The following PARD6G variants were observed in gnomAD, a reference collection of about 807,000 sequenced individuals.
The protein encoded by PARD6G is partitioning defective 6 homolog gamma.
In PARD6G, 7 loss-of-function variants were observed where a neutral mutation model predicts 10.7. That is an observed-to-expected ratio of 0.66 (90% CI 0.37 to 1.23). The LOEUF (loss-of-function observed/expected upper bound fraction) is 1.23, where lower values mean the gene tolerates loss of function less well. PARD6G is among the 50% of genes most tolerant of loss of function. PARD6G has a pLI of 0.02. For missense variants in PARD6G, 548 were observed against 571.8 expected, an observed-to-expected ratio of 0.96 and a Z score of 0.42; for synonymous variants, 287 against 269.4, an observed-to-expected ratio of 1.07 and a Z score of -0.64.
chr18:80,193,032 A>G (rs1465928468), intron 2 of PARD6G, among the ~76,000 whole-genome samples: 1 of 152,148 alleles, frequency 6.6e-6, no homozygotes, highest in Admixed American at 6.5e-5. Flanking sequence ...AAAGGCCCCA[A>G]GCAGATGGTG....
rs563055152 is a variant in PARD6G, at chr18:80,228,580, A to G, written c.72+18697T>C. Among the ~76,000 whole-genome samples the G allele has an allele frequency of 2.0e-5, 3 of 149,354 alleles. No individual in the cohort carries two copies. In the South Asian group the frequency reaches 6.5e-4, roughly 32 times the overall value. ...ACAGGGTCTTGGCCCCCAGGCCCACAGACTGCATCTCCTAAGATGCAGCCC... is the reference window on the plus strand; with the variant it reads ...ACAGGGTCTTGGCCCCCAGGCCCACGGACTGCATCTCCTAAGATGCAGCCC... On this transcript the variant is annotated intron_variant, in intron 1 of 2. Transcript: ENST00000353265. The surrounding 1 kb of genome is among the most constrained non-coding windows in gnomAD (Gnocchi z 4.6).
chr18:80,209,056 C>T (rs1160543679), intron 1 of PARD6G, among the ~76,000 whole-genome samples: 2 of 151,926 alleles, frequency 1.3e-5, no homozygotes, highest in East Asian at 1.9e-4. Flanking sequence ...GCCAAGATTG[C>T]ACCACTGCAC....
chr18:80,176,290 G>A (rs2052807441), intron 2 of PARD6G, among the ~76,000 whole-genome samples: 1 of 152,174 alleles, frequency 6.6e-6, no homozygotes. Context: ...TTTTCCTTGT[G>A]TCTCTACCTG....
intron 1 of PARD6G, among the ~76,000 whole-genome samples, chr18:80,225,438 T>G (rs934477394): frequency 1.3e-5 from 2 of 152,154 alleles, no homozygotes; most frequent in African/African-American, 4.8e-5. Context: ...TTTTAATCTT[T>G]AAGCCACTTG....
In PARD6G at chr18:80,161,050, A is replaced by G. The variant is rs2052697732; in HGVS notation, c.296-444T>C. 6.6e-6 allele frequency among the ~76,000 whole-genome samples: 1 copy of G among 152,170 alleles called. No individual in the cohort carries two copies. Among genetic ancestry groups the G allele is most frequent in the South Asian group, 2.1e-4 (1 of 4,824 alleles). On this transcript the variant is annotated intron_variant, in intron 2 of 2. Transcript: ENST00000353265. This position sits in a 1 kb window ranked among gnomAD's most constrained non-coding sequence, Gnocchi z 4.6. ...TTCTAAGGTTAATTACAACTAAGAG[A>G]GACCTTTCCTGCTTTCTTCTTTTCT...
chr18:80,165,805 G>T (rs545358469), intron 2 of PARD6G, among the ~76,000 whole-genome samples: 4 of 152,200 alleles, frequency 2.6e-5, no homozygotes, highest in African/African-American at 7.2e-5. Flanking sequence ...ATTTCCACTG[G>T]GTGCGCTGGC....
At chr18:80,225,343 T>C (rs759318206) in intron 1 of PARD6G, among the ~76,000 whole-genome samples, 1 of 152,240 alleles carries the variant, frequency 6.6e-6, no homozygotes, top group Non-Finnish European at 1.5e-5. Flanking sequence ...GGGAAGCTCC[T>C]GGCCATTTCC....
At chr18:80,222,536 G>C (rs1342328965) in intron 1 of PARD6G, among the ~76,000 whole-genome samples, 1 of 151,742 alleles carries the variant, frequency 6.6e-6, no homozygotes, top group Non-Finnish European at 1.5e-5. Flanking sequence ...GAAGAATCTT[G>C]AAAACGAAAA....
rs2052847221 is a variant in PARD6G at position 80,181,249 on chromosome 18, G to A, written c.296-20643C>T. Among the ~76,000 whole-genome samples the A allele has an allele frequency of 1.3e-5, 2 of 152,110 alleles. No homozygotes were observed. Among genetic ancestry groups the A allele is most frequent in the South Asian group, 4.1e-4 (2 of 4,828 alleles). On this transcript the variant is annotated intron_variant, in intron 2 of 2. Coordinates refer to ENST00000353265, the MANE Select transcript of PARD6G (RefSeq NM_032510.4). This position sits in a 1 kb window ranked among gnomAD's most constrained non-coding sequence, Gnocchi z 7.9. ...GCATGCCAGGGACCCCAGGTCACAC[G>A]CCCCTGGGGGATAGGAGAGGTGGTG...
At chr18:80,176,129 T>A (rs1158137123) in intron 2 of PARD6G, among the ~76,000 whole-genome samples, 1 of 152,050 alleles carries the variant, frequency 6.6e-6, no homozygotes, top group Admixed American at 6.5e-5. Flanking sequence ...GGGCAACTGA[T>A]ACGTCTTGAA....
At chr18:80,164,499 T>C (rs11663193) in intron 2 of PARD6G, among the ~76,000 whole-genome samples, 39,059 of 152,222 alleles carry the variant, frequency 0.26, 6,611 homozygotes, top group Non-Finnish European at 0.39. Context: ...CTGAATGTCA[T>C]GCCCATAGTA....
Position 80,247,217 on chromosome 18 carries a change from C to T in PARD6G, c.72+60G>A. 1.4e-6 allele frequency: 2 copies of T among 1,383,342 alleles called. No homozygotes were observed. The highest frequency in any genetic ancestry group is 2.0e-6 in the Non-Finnish European group (2 of 1,011,150). The allele number at this position is 1,383,342 out of a possible 1,614,324, so 85.7% of individuals were successfully genotyped here. A position where few individuals can be genotyped will look rare whatever the true frequency, so the allele number is the denominator to read the frequency against. The stretch of plus-strand genomic sequence containing the variant: ...GCCGCCCCAGTCCCCCTCCGCGGGG[C>T]GCCCCATTCATTAGCCAGGAGACTG... On this transcript the variant is annotated intron_variant, in intron 1 of 2. Coordinates refer to ENST00000353265, the MANE Select transcript of PARD6G (RefSeq NM_032510.4). The surrounding 1 kb of genome is among the most constrained non-coding windows in gnomAD (Gnocchi z 4.2).
rs147589981 is a variant in PARD6G at position 80,158,615 on chromosome 18, G to A, written c.*1156C>T. 1 of 152,210 alleles carries A rather than the reference G, an allele frequency of 6.6e-6. No individual in the cohort carries two copies. Among genetic ancestry groups the A allele is most frequent in the African/African-American group, 2.4e-5 (1 of 41,438 alleles). 9.4% of individuals were successfully genotyped at this position (152,210 alleles called of 1,614,324 possible). ...AATCCTAGCATTTTTGGAGGCTGAGGGGGGACCGTATCACCTGAGGTCAGG... is the reference window on the plus strand; with the variant it reads ...AATCCTAGCATTTTTGGAGGCTGAGAGGGGACCGTATCACCTGAGGTCAGG... On this transcript the variant is annotated 3_prime_UTR_variant, in exon 3 of 3. Transcript: ENST00000353265.
At chr18:80,197,451 A>G (rs1423882577) in intron 2 of PARD6G, 4 of 152,244 alleles carry the variant, frequency 2.6e-5, no homozygotes, top group African/African-American at 7.2e-5. Flanking sequence ...CATTCTAGGA[A>G]CCCAAAAGAA....
chr18:80,235,468 C>T, intron 1 of PARD6G, among the ~76,000 whole-genome samples: 1 of 152,032 alleles, frequency 6.6e-6, no homozygotes. Context: ...CAAGAGCAAA[C>T]ACATTCAAAA....
At chr18:80,224,995 G>T (rs1967276268) in intron 1 of PARD6G, among the ~76,000 whole-genome samples, 1 of 152,082 alleles carries the variant, frequency 6.6e-6, no homozygotes, top group South Asian at 2.1e-4. Flanking sequence ...AACTGTGTAG[G>T]CATTCTTCTT....
chr18:80,171,926 T>C (rs1412391957), intron 2 of PARD6G, among the ~76,000 whole-genome samples: 1 of 152,262 alleles, frequency 6.6e-6, no homozygotes, highest in Admixed American at 6.5e-5. Flanking sequence ...ACGTGTTATA[T>C]CAAATGTTCA....
intron 1 of PARD6G, among the ~76,000 whole-genome samples, chr18:80,204,110 A>G (rs1967034041): frequency 6.6e-6 from 1 of 152,210 alleles, no homozygotes. Context: ...GTCATGCCCA[A>G]GGGTTCCGGC....
intron 2 of PARD6G, among the ~76,000 whole-genome samples, chr18:80,179,367 C>G (rs755863870): frequency 6.6e-6 from 1 of 152,198 alleles, no homozygotes; most frequent in Non-Finnish European, 1.5e-5. Context: ...GGAGGCCAAG[C>G]TCACATGCCC....
Sources: allele counts gnomAD v4.1 joint callset (sites outside exome capture counted in the v4.1 genomes callset), GRCh38; gene constraint gnomAD v4.1.1; non-coding constraint Gnocchi (gnomAD v3.1); transcripts MANE v1.5; gene names NCBI Gene and HGNC (gene_info 2026-07-23, HGNC 2026-07-21).